The following FRYL variants were observed in gnomAD, a reference collection of about 807,000 sequenced individuals.
FRYL encodes FRY like transcription coactivator.
In FRYL, 150 loss-of-function variants were observed where a neutral mutation model predicts 351.2. The ratio of observed to expected loss-of-function variants is 0.43; its 90% CI spans 0.37 to 0.49. The LOEUF (loss-of-function observed/expected upper bound fraction) is 0.49, where lower values mean the gene tolerates loss of function less well. FRYL is among the 20% of genes least tolerant of loss of function. The pLI, the probability that FRYL is intolerant of heterozygous loss-of-function variation, is 0.00. For synonymous variants in FRYL, 1,153 were observed against 1,257.1 expected (o/e 0.92, Z 1.75); for missense variants, 3,036 against 3,619.3 (o/e 0.84, Z 4.13).
At chr4:48,551,025 C>T (rs1183549567) in intron 37 of FRYL, among the ~76,000 whole-genome samples, 2 of 151,484 alleles carry the variant, frequency 1.3e-5, no homozygotes, top group Non-Finnish European at 2.9e-5. Context: ...TGAGATTGCA[C>T]CACTGCACTC....
At chr4:48,559,309 GGT>G (rs1734847716) in intron 33 of FRYL, among the ~76,000 whole-genome samples, 1 of 151,560 alleles carries the variant, frequency 6.6e-6, no homozygotes, top group Non-Finnish European at 1.5e-5. Context: ...TCTGTCTGTG[GGT>G]ATAGGGGTCA....
At position 48,606,522 on chromosome 4, in the gene FRYL, G is replaced by A; in HGVS notation, c.657C>T (p.Val219=). 1.2e-6 allele frequency: 2 copies of A among 1,612,930 alleles called. No homozygotes were observed. The highest frequency in any genetic ancestry group is 1.7e-6 in the Non-Finnish European group (2 of 1,179,146). ...KEQSPHVVQS[V]ISLIMGMKFF... ...ATTTCATTCCCATTATTAAGCTGAT[G>A]ACACTTTGTACCACATGTGGGCTTT... Residue 219 remains valine, a synonymous_variant, in exon 10 of 64, where the codon GTC becomes GTT. Coordinates refer to ENST00000358350, the MANE Select transcript of FRYL (RefSeq NM_015030.2).
rs1349191055 is a variant in FRYL at position 48,547,697 on chromosome 4, C to T, written c.4961G>A (p.Gly1654Glu). 1 of 1,603,484 alleles carries T rather than the reference C, an allele frequency of 6.2e-7. No individual in the cohort carries two copies. The highest frequency in any genetic ancestry group is 8.5e-7 in the Non-Finnish European group (1 of 1,172,856). Residue 1654 changes from glycine (G) to glutamate (E), a missense_variant, in exon 41 of 64, where the codon GGA (glycine) becomes GAA (glutamate). Coordinates refer to ENST00000358350, the MANE Select transcript of FRYL (RefSeq NM_015030.2). Reference sequence around the variant, plus strand: ...AACAGTTCGGATGTTACTATTGGGTCCCATTACTATTAATAAGTGCAGAAG... The same window carrying T: ...AACAGTTCGGATGTTACTATTGGGTTCCATTACTATTAATAAGTGCAGAAG... ...RLLLHLLIVMGPNSNIRTVAS... is the reference protein window; with the variant it reads ...RLLLHLLIVMEPNSNIRTVAS...
At chr4:48,764,610 A>T (rs1290368671) in intron 1 of FRYL, among the ~76,000 whole-genome samples, 2 of 152,324 alleles carry the variant, frequency 1.3e-5, no homozygotes, top group South Asian at 4.1e-4. Flanking sequence ...GTAAAAGAAA[A>T]CAATCCTGTT....
At chr4:48,671,876 A>AAC (rs1762800905) in intron 3 of FRYL, among the ~76,000 whole-genome samples, 1 of 146,352 alleles carries the variant, frequency 6.8e-6, no homozygotes, top group Non-Finnish European at 1.5e-5. Context: ...AAAAAAACAA[A>AAC]AAAAAAAAAA....
chr4:48,632,091 A>ATGT (rs1560753183), intron 4 of FRYL, among the ~76,000 whole-genome samples: 1 of 23,396 alleles, frequency 4.3e-5, no homozygotes, highest in Non-Finnish European at 9.4e-5. Flanking sequence ...AAAAAAAAAA[A>ATGT]ATATATATAT....
At chr4:48,577,092 A>T (rs1739793314) in intron 23 of FRYL, among the ~76,000 whole-genome samples, 1 of 152,170 alleles carries the variant, frequency 6.6e-6, no homozygotes, top group Non-Finnish European at 1.5e-5. Flanking sequence ...ATTTTAGCTA[A>T]TAGCAATTTT....
chr4:48,734,798 A>T (rs1003304412), intron 1 of FRYL, among the ~76,000 whole-genome samples: 1 of 152,200 alleles, frequency 6.6e-6, no homozygotes, highest in African/African-American at 2.4e-5. Flanking sequence ...TTAAATAGGG[A>T]ATCCTTTCCC....
Position 48,764,587 on chromosome 4 carries a change from C to T in FRYL, c.-384+15491G>A, listed in dbSNP as rs531828697. On this transcript the variant is annotated intron_variant, in intron 1 of 63. Transcript: ENST00000358350. ...CATTAACTGCATTTCTATACACTAA[C>T]AATAAACTATCTGTAAAAGAAAACA... Among the ~76,000 whole-genome samples the T allele has an allele frequency of 7.3e-5, 11 of 149,890 alleles. No individual in the cohort carries two copies. The East Asian group carries it at 2.1e-3, about 29-fold the overall frequency.
At chr4:48,618,331 A>G (rs1749967125) in intron 7 of FRYL, 1 of 152,240 alleles carries the variant, frequency 6.6e-6, no homozygotes, top group Admixed American at 6.5e-5. Flanking sequence ...AAAGCTAAAT[A>G]AAACTGATTA....
intron 55 of FRYL, chr4:48,520,646 C>G (rs1321269485): frequency 6.5e-6 from 1 of 154,312 alleles, no homozygotes; most frequent in Non-Finnish European, 1.4e-5. Flanking sequence ...CTAAAAACCA[C>G]AGCTGGCCTG....
intron 2 of FRYL, among the ~76,000 whole-genome samples, chr4:48,704,613 A>G (rs1463152016): frequency 1.3e-5 from 2 of 152,116 alleles, no homozygotes; most frequent in East Asian, 1.9e-4. Flanking sequence ...GGAGTTCCAG[A>G]CCAGACTGGC....
At chr4:48,658,399 C>T (rs1759696471) in intron 3 of FRYL, among the ~76,000 whole-genome samples, 1 of 151,928 alleles carries the variant, frequency 6.6e-6, no homozygotes, top group South Asian at 2.1e-4. Context: ...CAGATTTCAG[C>T]TTTTCAGAGT....
intron 2 of FRYL, among the ~76,000 whole-genome samples, chr4:48,705,717 C>G (rs1174510276): frequency 6.6e-6 from 1 of 152,036 alleles, no homozygotes; most frequent in Non-Finnish European, 1.5e-5. Flanking sequence ...ATTGTATATC[C>G]AGTTGGTGGC....
chr4:48,593,147 T>C (rs1743820210), intron 16 of FRYL, among the ~76,000 whole-genome samples: 1 of 152,048 alleles, frequency 6.6e-6, no homozygotes, highest in African/African-American at 2.4e-5. Flanking sequence ...AACAAATTTT[T>C]GTTTTTTCTA....
At chr4:48,572,077 G>T in intron 26 of FRYL, 1 of 818,910 alleles carries the variant, frequency 1.2e-6, no homozygotes, top group Non-Finnish European at 1.5e-6. Flanking sequence ...AATTGCAGAT[G>T]ATGTTTCAAA....
chr4:48,507,872 C>T (rs1488879375), intron 59 of FRYL, among the ~76,000 whole-genome samples: 1 of 152,150 alleles, frequency 6.6e-6, no homozygotes, highest in Non-Finnish European at 1.5e-5. Flanking sequence ...GCTACAAAAC[C>T]ACACAGCAGC....
chr4:48,699,718 GC>G (rs1766539948), intron 2 of FRYL, among the ~76,000 whole-genome samples: 1 of 151,478 alleles, frequency 6.6e-6, no homozygotes, highest in Admixed American at 6.6e-5. Context: ...CACATAAATC[GC>G]CCTTCTTCTT....
intron 2 of FRYL, among the ~76,000 whole-genome samples, chr4:48,700,814 T>C (rs1219430992): frequency 2.0e-5 from 3 of 148,216 alleles, no homozygotes; most frequent in African/African-American, 7.5e-5. Flanking sequence ...AAAAATTAAA[T>C]TAAAAAAAAA....
Sources: gnomAD v4.1 joint callset for allele counts (sites outside exome capture counted in the v4.1 genomes callset) on GRCh38, gnomAD v4.1.1 for gene constraint, MANE v1.5 for transcripts, NCBI Gene and HGNC (gene_info 2026-07-23, HGNC 2026-07-21) for gene names.